Variants in PRIM2 observed in about 807,000 individuals in gnomAD.
PRIM2 encodes DNA primase large subunit.
Under a neutral mutation model 67.3 loss-of-function variants are expected in PRIM2, and 39 were observed. The ratio of observed to expected loss-of-function variants is 0.58; its 90% confidence interval spans 0.45 to 0.76. The LOEUF is 0.76. PRIM2 is among the 30% of genes least tolerant of loss of function. PRIM2 has a pLI of 0.00. For synonymous variants in PRIM2, 143 were observed against 198.7 expected (o/e 0.72, Z 2.36); for missense variants, 398 against 598.7 (o/e 0.66, Z 3.50).
At chr6:57,508,370 CATT>C (rs1479773718) in intron 8 of PRIM2, among the ~76,000 whole-genome samples, 1 of 151,700 alleles carries the variant, frequency 6.6e-6, no homozygotes, top group Non-Finnish European at 1.5e-5. Flanking sequence ...TGTCTAAAAA[CATT>C]ATTGTTAGTG....
chr6:57,535,953 T>G (rs1354204343), intron 9 of PRIM2, among the ~76,000 whole-genome samples: 4 of 152,184 alleles, frequency 2.6e-5, no homozygotes, highest in Non-Finnish European at 5.9e-5. Context: ...TGTTGAATAT[T>G]GATTGTATGG....
chr6:57,612,879 C>T (rs1230676980), intron 12 of PRIM2, among the ~76,000 whole-genome samples: 1 of 148,606 alleles, frequency 6.7e-6, no homozygotes, highest in Non-Finnish European at 1.5e-5. Context: ...ATTGCAACCT[C>T]GAACTCCTGG....
chr6:57,371,654 G>A (rs528425207), intron 5 of PRIM2, among the ~76,000 whole-genome samples: 1 of 152,270 alleles, frequency 6.6e-6, no homozygotes, highest in South Asian at 2.1e-4. Flanking sequence ...TCAGATAAAT[G>A]TTTACTGGGA....
At chr6:57,316,109 T>A (rs1219971268), upstream of PRIM2, among the ~76,000 whole-genome samples, 1 of 152,238 alleles carries the variant, frequency 6.6e-6, no homozygotes, top group African/African-American at 2.4e-5. Flanking sequence ...TGACATTTTG[T>A]GTCCTTTTGA....
At chr6:57,617,379 T>C (rs1244583756) in intron 12 of PRIM2, among the ~76,000 whole-genome samples, 4 of 152,206 alleles carry the variant, frequency 2.6e-5, no homozygotes, top group African/African-American at 9.6e-5. Context: ...AAGATCACAT[T>C]TTTAGGTAGT....
At chr6:57,244,282 A>G in the PRIM2 span, among the ~76,000 whole-genome samples, 1 of 152,160 alleles carries the variant, frequency 6.6e-6, no homozygotes, top group Non-Finnish European at 1.5e-5. Context: ...ATGCACCTTC[A>G]TTTTGCACCA....
intron 10 of PRIM2, among the ~76,000 whole-genome samples, chr6:57,582,512 A>G (rs1776106476): frequency 6.6e-6 from 1 of 152,126 alleles, no homozygotes; most frequent in Admixed American, 6.5e-5. Context: ...GCCATATTTT[A>G]TTATTCTAAA....
intron 8 of PRIM2, among the ~76,000 whole-genome samples, chr6:57,518,303 G>T (rs1774529533): frequency 1.3e-5 from 2 of 152,362 alleles, no homozygotes; most frequent in Admixed American, 6.5e-5. Flanking sequence ...AGGTCTTACT[G>T]AGGTGTGTCC....
chr6:57,321,253 A>G (rs1014654773), intron 3 of PRIM2, among the ~76,000 whole-genome samples: 5 of 152,202 alleles, frequency 3.3e-5, no homozygotes, highest in African/African-American at 9.7e-5. Flanking sequence ...TAGTTAGGAA[A>G]ATTAGTGGAT....
chr6:57,509,805 T>G (rs1170058933), intron 8 of PRIM2, among the ~76,000 whole-genome samples: 49 of 149,082 alleles, frequency 3.3e-4, no homozygotes, highest in African/African-American at 1.2e-3. Context: ...TTTAAATGTA[T>G]TTAACATAAT....
At chr6:57,377,043 ATTT>A (rs140991831) in intron 5 of PRIM2, among the ~76,000 whole-genome samples, 1 of 136,642 alleles carries the variant, frequency 7.3e-6, no homozygotes, top group Non-Finnish European at 1.6e-5. Flanking sequence ...TGCCCAGCTA[ATTT>A]TTTTTTTTTT....
the PRIM2 span, among the ~76,000 whole-genome samples, chr6:57,266,866 T>A: frequency 6.6e-6 from 1 of 152,130 alleles, no homozygotes; most frequent in Non-Finnish European, 1.5e-5. Flanking sequence ...TCCAAAATAA[T>A]AAATGATTAA....
chr6:57,457,866 C>A (rs1772858757), intron 7 of PRIM2, among the ~76,000 whole-genome samples: 1 of 152,232 alleles, frequency 6.6e-6, no homozygotes, highest in Non-Finnish European at 1.5e-5. Flanking sequence ...AATCACCCAT[C>A]TTCTGCGTTG....
chr6:57,254,823 G>A, the PRIM2 span, among the ~76,000 whole-genome samples: 1 of 152,268 alleles, frequency 6.6e-6, no homozygotes, highest in Middle Eastern at 3.4e-3. Flanking sequence ...AATTTACCGA[G>A]GCTCCAGAGG....
chr6:57,380,181 G>A (rs5011400), intron 6 of PRIM2, among the ~76,000 whole-genome samples, 185 bp downstream of exon 6: 96 of 151,816 alleles, frequency 6.3e-4, no homozygotes, highest in East Asian at 4.1e-3. Context: ...CTCCTTCCAC[G>A]GACGCATTCC....
intron 5 of PRIM2, among the ~76,000 whole-genome samples, chr6:57,374,451 G>A (rs1012841305): frequency 6.7e-6 from 1 of 150,320 alleles, no homozygotes; most frequent in African/African-American, 2.4e-5. Context: ...GCGCCACCAT[G>A]CCCGGCTAAT....
At position 57,401,504 on chromosome 6, in the gene PRIM2, G is replaced by A. The variant is rs1004194938; in HGVS notation, c.693+19336G>A. On this transcript the variant is annotated intron_variant, in intron 7 of 13. Coordinates refer to ENST00000615550, the MANE Select transcript of PRIM2 (RefSeq NM_000947.5). ...TCCCTTATATTTCCTTACAGGTGGAGCCATGTTCCCTCTTAATGTGTGGGG... is the reference window on the plus strand; with the variant it reads ...TCCCTTATATTTCCTTACAGGTGGAACCATGTTCCCTCTTAATGTGTGGGG... Among the ~76,000 whole-genome samples, 45 of 152,270 alleles carry A rather than the reference G, an allele frequency of 3.0e-4. 1 individual carries two copies. Among genetic ancestry groups the A allele is most frequent in the Admixed American group, 2.2e-3 (34 of 15,306 alleles).
intron 7 of PRIM2, among the ~76,000 whole-genome samples, chr6:57,501,365 T>A (rs1355596578): frequency 2.6e-5 from 4 of 152,136 alleles, no homozygotes; most frequent in Non-Finnish European, 5.9e-5. Flanking sequence ...AGTGGTGTGA[T>A]CTCTGCTCAC....
intron 7 of PRIM2, among the ~76,000 whole-genome samples, chr6:57,463,511 G>A (rs1303764128): frequency 2.0e-5 from 3 of 152,058 alleles, no homozygotes; most frequent in African/African-American, 7.2e-5. Context: ...ACAAAACCAA[G>A]AAAATAAAGG....
Sources: allele counts gnomAD v4.1 joint callset (sites outside exome capture counted in the v4.1 genomes callset), GRCh38; gene constraint gnomAD v4.1.1; transcripts MANE v1.5; gene names NCBI Gene and HGNC (gene_info 2026-07-23, HGNC 2026-07-21).